Variants in DMD observed in about 807,000 individuals in gnomAD.
The protein encoded by DMD is dystrophin, also known as mutant dystrophin.
Under a neutral mutation model 330.1 loss-of-function variants are expected in DMD, and 63 were observed. The observed-to-expected ratio is 0.19, with a 90% CI of 0.16 to 0.24. The LOEUF (loss-of-function observed/expected upper bound fraction) is 0.24. Ranked by LOEUF, DMD falls within the 10% of genes least tolerant of loss-of-function variation. DMD has a pLI of 1.00. For synonymous variants in DMD, 1,223 were observed against 959.8 expected (o/e 1.27, Z -5.07); for missense variants, 3,344 against 2,684.1 (o/e 1.25, Z -5.43).
At chrX:31,374,485 T>G (rs867478260) in intron 60 of DMD, among the ~76,000 whole-genome samples, 1 of 107,011 alleles carries the variant, frequency 9.3e-6, no homozygotes, top group African/African-American at 3.6e-5. Context: ...TGGAATACTA[T>G]GCAGCCATAA....
At chrX:32,808,740 T>C (rs970171816) in intron 7 of DMD, among the ~76,000 whole-genome samples, 1 of 112,031 alleles carries the variant, frequency 8.9e-6, no homozygotes, top group Non-Finnish European at 1.9e-5. Context: ...GATTTCACTT[T>C]TCCAACTCCT....
chrX:32,969,656 T>C (rs1311601801), intron 2 of DMD, among the ~76,000 whole-genome samples: 1 of 94,977 alleles, frequency 1.1e-5, no homozygotes, highest in Non-Finnish European at 2.0e-5. Context: ...ATATATATAA[T>C]AAACTAGAAC....
chrX:33,231,266 T>C (rs2052383851), intron 1 of DMD, among the ~76,000 whole-genome samples: 1 of 111,425 alleles, frequency 9.0e-6, no homozygotes. Flanking sequence ...CTGATTTAAA[T>C]GATAAGTCGT....
intron 2 of DMD, among the ~76,000 whole-genome samples, chrX:33,002,860 A>C (rs1165288878): frequency 9.8e-6 from 1 of 102,302 alleles, no homozygotes; most frequent in African/African-American, 3.5e-5. Flanking sequence ...GAAAAAAAAA[A>C]AAAAAAAAAA....
chrX:32,342,960 T>C (rs978237343), intron 40 of DMD, 174 bp downstream of exon 40: 42 of 518,971 alleles, frequency 8.1e-5, no homozygotes, highest in Non-Finnish European at 1.1e-4. Flanking sequence ...ATTACGTCAA[T>C]TGAATAACAC....
intron 62 of DMD, among the ~76,000 whole-genome samples, chrX:31,298,855 T>TA (rs905199994): frequency 1.8e-5 from 2 of 111,789 alleles, no homozygotes; most frequent in Non-Finnish European, 3.8e-5. Context: ...TTGCAATTTT[T>TA]AAAAAAAATT....
chrX:31,770,740 G>A (rs1056256671), intron 51 of DMD, among the ~76,000 whole-genome samples: 1 of 111,434 alleles, frequency 9.0e-6, no homozygotes, highest in Non-Finnish European at 1.9e-5. Flanking sequence ...TTTCTTCCTC[G>A]ATCTCAGGCA....
At chrX:33,228,202 A>T (rs777823878) in intron 1 of DMD, among the ~76,000 whole-genome samples, 1 of 110,242 alleles carries the variant, frequency 9.1e-6, no homozygotes, top group South Asian at 3.8e-4. Flanking sequence ...GAATCTTTAG[A>T]GTTAACTTTA....
rs144713548 is a variant in DMD at position 31,495,188 on chromosome X, G to A, written c.8547+1600C>T. ...CAAAGATCCCTGGGTCTTCTTTCAT[G>A]TTCTCTTCCCTTTTTATAATTTCCT... On this transcript the variant is annotated intron_variant, in intron 57 of 78. Transcript: ENST00000357033. Among the ~76,000 whole-genome samples, 574 of 92,711 alleles carry A rather than the reference G, an allele frequency of 6.2e-3. 2 individuals are homozygous for A. Among genetic ancestry groups the A allele is most frequent in the East Asian group, 0.025 (74 of 3,006 alleles). 80.5% of individuals were successfully genotyped at this position (92,711 alleles called of 115,157 possible). A position where few individuals can be genotyped will look rare whatever the true frequency, so the allele number is the denominator to read the frequency against.
chrX:32,882,059 T>A (rs964658728), intron 2 of DMD, among the ~76,000 whole-genome samples: 4 of 112,266 alleles, frequency 3.6e-5, no homozygotes, highest in African/African-American at 1.3e-4. Context: ...AGCTTGTGTT[T>A]TGTTTTTCAA....
intron 44 of DMD, among the ~76,000 whole-genome samples, chrX:32,018,519 C>CTATAA (rs1371527941): frequency 9.0e-6 from 1 of 111,308 alleles, no homozygotes; most frequent in Admixed American, 9.6e-5. Flanking sequence ...TCTGACATAC[C>CTATAA]ACTACTCTAT....
At chrX:31,604,186 G>T (rs1037446116) in intron 55 of DMD, among the ~76,000 whole-genome samples, 3 of 112,269 alleles carry the variant, frequency 2.7e-5, no homozygotes, top group African/African-American at 9.7e-5. Flanking sequence ...AACCTTGGAG[G>T]AATATAGGAG....
At chrX:33,129,779 G>A (rs2095488573) in intron 1 of DMD, among the ~76,000 whole-genome samples, 1 of 111,455 alleles carries the variant, frequency 9.0e-6, no homozygotes, top group Admixed American at 9.6e-5. Context: ...AAACCTTGTA[G>A]CATGAGTATA....
intron 1 of DMD, among the ~76,000 whole-genome samples, chrX:33,268,929 A>G (rs2053099863): frequency 1.9e-5 from 2 of 107,150 alleles, no homozygotes; most frequent in Non-Finnish European, 1.9e-5. Flanking sequence ...AAAAAAAAAA[A>G]TCAAAAGATA....
rs773411560 is a variant in DMD, at chrX:33,086,392, G to C, written c.32-66192C>G. Among the ~76,000 whole-genome samples, 669 of 111,479 alleles carry C rather than the reference G, an allele frequency of 6.0e-3. 5 individuals carry two copies. The highest frequency in any genetic ancestry group is 0.021 in the African/African-American group (649 of 30,839). ...ATTAAAAAAAATAAAATACTTTTTTGTGATAAGTCAAAAACTAATTATAAG... is the reference window on the plus strand; with the variant it reads ...ATTAAAAAAAATAAAATACTTTTTTCTGATAAGTCAAAAACTAATTATAAG... On this transcript the variant is annotated intron_variant, in intron 1 of 78. Coordinates refer to ENST00000357033, the MANE Select transcript of DMD (RefSeq NM_004006.3).
chrX:33,167,118 T>C (rs747808765), intron 1 of DMD, among the ~76,000 whole-genome samples: 15 of 111,371 alleles, frequency 1.3e-4, no homozygotes, highest in Middle Eastern at 4.6e-3. Flanking sequence ...TTCTGAGAAG[T>C]CCTGAGAATT....
At chrX:32,678,929 TAAAAC>T (rs2062164248) in intron 9 of DMD, among the ~76,000 whole-genome samples, 1 of 111,754 alleles carries the variant, frequency 8.9e-6, no homozygotes, top group Admixed American at 9.5e-5. Context: ...AATTTAAACA[TAAAAC>T]AAATGTACTG....
chrX:31,256,526 AT>A (rs2049970538), intron 63 of DMD, among the ~76,000 whole-genome samples: 1 of 109,372 alleles, frequency 9.1e-6, no homozygotes, highest in African/African-American at 3.3e-5. Context: ...TCTGTTGGAA[AT>A]AATCTAAAAT....
chrX:32,184,984 G>C (rs2147507203), intron 44 of DMD, among the ~76,000 whole-genome samples: 1 of 109,969 alleles, frequency 9.1e-6, no homozygotes, highest in African/African-American at 3.3e-5. Flanking sequence ...TGTGAGGACA[G>C]CTGTTTTAAG....
Sources: allele counts gnomAD v4.1 joint callset (sites outside exome capture counted in the v4.1 genomes callset), GRCh38; gene constraint gnomAD v4.1.1; transcripts MANE v1.5; gene names NCBI Gene and HGNC (gene_info 2026-07-23, HGNC 2026-07-21).